Variants in FER1L5 observed in about 807,000 individuals in gnomAD.
The protein encoded by FER1L5 is fer-1-like protein 5.
A neutral mutation model predicts 279.9 loss-of-function variants in FER1L5; 187 were observed. The observed-to-expected ratio is 0.67, with a 90% confidence interval of 0.59 to 0.75. The LOEUF is 0.75. FER1L5 is among the 30% of genes least tolerant of loss of function. The pLI, the probability that FER1L5 is intolerant of heterozygous loss-of-function variation, is 0.00. For missense variants in FER1L5, 2,091 were observed against 2,594.4 expected (o/e 0.81, Z 4.21); for synonymous variants, 921 against 989.7 (o/e 0.93, Z 1.30).
chr2:96,688,010 C>T (rs1336174198), intron 24 of FER1L5, 63 bp downstream of exon 24: 10 of 1,537,488 alleles, frequency 6.5e-6, no homozygotes, highest in Middle Eastern at 1.7e-4. Flanking sequence ...AGGGTGGCCT[C>T]GTAGGGAAGA....
intron 17 of FER1L5, 109 bp downstream of exon 17, chr2:96,669,246 G>T (rs919006412): frequency 9.3e-7 from 1 of 1,077,008 alleles, no homozygotes; most frequent in Non-Finnish European, 1.3e-6. Context: ...TCTGTCCCTC[G>T]GGGTCTTGTG....
intron 14 of FER1L5, 63 bp downstream of exon 14, chr2:96,663,570 A>G: frequency 1.3e-6 from 2 of 1,529,044 alleles, no homozygotes; most frequent in South Asian, 2.4e-5. Flanking sequence ...GGAAGTTTGG[A>G]TGATTGTGTG....
rs2077295338 is a variant in FER1L5 at position 96,694,698 on chromosome 2, A to G, written c.3741+234A>G. 1 of 407,454 alleles carries G rather than the reference A, an allele frequency of 2.5e-6. No individual in the cohort carries two copies. The highest frequency in any genetic ancestry group is 4.3e-6 in the Non-Finnish European group (1 of 230,878). 25.2% of individuals were successfully genotyped at this position (407,454 alleles called of 1,614,324 possible). On this transcript the variant is annotated intron_variant, in intron 34 of 52. Coordinates refer to ENST00000624922, the MANE Select transcript of FER1L5 (RefSeq NM_001293083.2). The surrounding 1 kb of genome is among the most constrained non-coding windows in gnomAD (Gnocchi z 4.6). The stretch of plus-strand genomic sequence containing the variant: ...GAGTAGGCAAAGGGCTGTAGCATGC[A>G]TGATCACTTGTGGGACTCACGCTGC...
At chr2:96,651,834 A>G in intron 6 of FER1L5, 58 bp from the exon 7 acceptor site, 1 of 1,550,438 alleles carries the variant, frequency 6.4e-7, no homozygotes, top group Non-Finnish European at 8.7e-7. Flanking sequence ...TATCAGAACA[A>G]TGTTGTCCCA....
At chr2:96,700,496 T>C in intron 45 of FER1L5, 25 bp downstream of exon 45, 1 of 1,611,514 alleles carries the variant, frequency 6.2e-7, no homozygotes, top group Non-Finnish European at 8.5e-7. Flanking sequence ...GGGCCACTCC[T>C]GGCTCCTACA....
intron 4 of FER1L5, among the ~76,000 whole-genome samples, chr2:96,649,254 G>A (rs2075267726): frequency 6.6e-6 from 1 of 152,098 alleles, no homozygotes; most frequent in South Asian, 2.1e-4. Flanking sequence ...GGAGTGTGCA[G>A]GGCCTCCCAC....
chr2:96,660,152 A>G (rs571257648), intron 9 of FER1L5, among the ~76,000 whole-genome samples, 189 bp from the exon 10 acceptor site: 2 of 152,252 alleles, frequency 1.3e-5, no homozygotes, highest in Non-Finnish European at 2.9e-5. Flanking sequence ...ACCTCTCTCA[A>G]ACTCAGTATC....
chr2:96,700,571 G>T, intron 45 of FER1L5, 100 bp downstream of exon 45: 1 of 1,502,918 alleles, frequency 6.7e-7, no homozygotes. Context: ...AGAGGAGAAG[G>T]ACAGGCCAAA....
chr2:96,689,787 AG>A lies in FER1L5; in HGVS notation c.2640+34del, dbSNP rs1266586583. 1 of 1,516,348 alleles carries A rather than the reference AG, an allele frequency of 6.6e-7. No individual in the cohort carries two copies. Among genetic ancestry groups the A allele is most frequent in the East Asian group, 2.5e-5 (1 of 40,738 alleles). 93.9% of individuals were successfully genotyped at this position (1,516,348 alleles called of 1,614,324 possible). ...AGCAGGGCCGAAGCTGCCTCGGGTT[AG>A]GGGGCAAGCAAGGCCACCAGGCGGG... On this transcript the variant is annotated intron_variant, in intron 26 of 52. Coordinates refer to ENST00000624922, the MANE Select transcript of FER1L5 (RefSeq NM_001293083.2). The surrounding 1 kb of genome is among the most constrained non-coding windows in gnomAD (Gnocchi z 4.6).
Position 96,698,626 on chromosome 2 carries a change from G to T in FER1L5, c.4357-45G>T, listed in dbSNP as rs1269959796. On this transcript the variant is annotated intron_variant, in intron 40 of 52. Coordinates refer to ENST00000624922, the MANE Select transcript of FER1L5 (RefSeq NM_001293083.2). This position sits in a 1 kb window ranked among gnomAD's most constrained non-coding sequence, Gnocchi z 5.5. ...ACCTCCCAGAGGGCTTTACAGAGCT[G>T]GCCAGCACTGCCAGGCTGGGCCCCC... The T allele has an allele frequency of 6.6e-7, 1 of 1,517,708 alleles. No individual in the cohort carries two copies. Among genetic ancestry groups the T allele is most frequent in the Admixed American group, 1.9e-5 (1 of 52,192 alleles). The allele number at this position is 1,517,708 out of a possible 1,614,324, so 94.0% of individuals were successfully genotyped here.
chr2:96,688,694 C>A (rs1364094998), intron 24 of FER1L5, among the ~76,000 whole-genome samples: 1 of 152,060 alleles, frequency 6.6e-6, no homozygotes, highest in East Asian at 1.9e-4. Context: ...GTCTTGGAGG[C>A]GCAGAGGTGG....
intron 12 of FER1L5, among the ~76,000 whole-genome samples, 179 bp downstream of exon 12, chr2:96,661,970 TC>T (rs1395476628): frequency 6.6e-6 from 1 of 152,116 alleles, no homozygotes; most frequent in East Asian, 1.9e-4. Context: ...GGACACCCTT[TC>T]AAACGGGTCT....
In FER1L5 at chr2:96,694,153, T is replaced by A. The variant is rs1214210262; in HGVS notation, c.3636+81T>A. 6.8e-7 allele frequency: 1 copy of A among 1,465,006 alleles called. No homozygotes were observed. The highest frequency in any genetic ancestry group is 1.4e-5 in the African/African-American group (1 of 71,156). The allele number at this position is 1,465,006 out of a possible 1,614,324, so 90.8% of individuals were successfully genotyped here. A position where few individuals can be genotyped will look rare whatever the true frequency, so the allele number is the denominator to read the frequency against. The stretch of plus-strand genomic sequence containing the variant: ...CCACCCCCAGCCAGCGGGGGCCAAC[T>A]CCACCCTGTCAGGAAATGCCTGGGG... On this transcript the variant is annotated intron_variant, in intron 33 of 52. Coordinates refer to ENST00000624922, the MANE Select transcript of FER1L5 (RefSeq NM_001293083.2). The surrounding 1 kb of genome is among the most constrained non-coding windows in gnomAD (Gnocchi z 4.6).
chr2:96,704,385 A>G, intron 52 of FER1L5, 23 bp downstream of exon 52: 2 of 1,613,202 alleles, frequency 1.2e-6, no homozygotes, highest in Non-Finnish European at 1.7e-6. Flanking sequence ...CATGGGGGCA[A>G]GGACAAAGGT....
chr2:96,663,351 G>GT, intron 13 of FER1L5, 88 bp from the exon 14 acceptor site: 1 of 1,244,968 alleles, frequency 8.0e-7, no homozygotes. Context: ...GGTGTCCACT[G>GT]GGAGGCTGGA....
chr2:96,702,260 C>T lies in FER1L5; in HGVS notation c.5160-46C>T. On this transcript the variant is annotated intron_variant, in intron 46 of 52. Transcript: ENST00000624922. This position sits in a 1 kb window ranked among gnomAD's most constrained non-coding sequence, Gnocchi z 4.0. Reference sequence around the variant, plus strand: ...TTCTCTGCCCTCACTGAGGCTGCAGCTGGGGAGCTCCTCCTCAGCAAAGCC... The same window carrying T: ...TTCTCTGCCCTCACTGAGGCTGCAGTTGGGGAGCTCCTCCTCAGCAAAGCC... 1 of 1,590,426 alleles carries T rather than the reference C, an allele frequency of 6.3e-7. No individual in the cohort carries two copies. The highest frequency in any genetic ancestry group is 1.1e-5 in the South Asian group (1 of 87,890).
chr2:96,659,405 CT>C (rs2075810130), intron 9 of FER1L5, among the ~76,000 whole-genome samples: 61 of 5,482 alleles, frequency 0.011, 2 homozygotes, highest in African/African-American at 0.014. Flanking sequence ...TTCTTTCTTT[CT>C]TTCTTTCTTT....
At position 96,695,858 on chromosome 2, in the gene FER1L5, C is replaced by A. The variant is rs1487287378; in HGVS notation, c.4011C>A (p.Tyr1337Ter). 1 of 1,613,596 alleles carries A rather than the reference C, an allele frequency of 6.2e-7. No individual in the cohort carries two copies. The highest frequency in any genetic ancestry group is 1.3e-5 in the African/African-American group (1 of 74,950). Residue 1337 changes from tyrosine (Y) to a stop codon, truncating the protein, a stop_gained, in exon 36 of 53, where the codon TAC (tyrosine) becomes TAA (stop). Coordinates refer to ENST00000624922, the MANE Select transcript of FER1L5 (RefSeq NM_001293083.2). LOFTEE classifies it high-confidence loss of function. Reference sequence around the variant, plus strand: ...CCAACATCGACTTCCTCCAGCCCTACTTCTGTGACCCCTGGGCTCAAGACT... The same window carrying A: ...CCAACATCGACTTCCTCCAGCCCTAATTCTGTGACCCCTGGGCTCAAGACT... ...GQANIDFLQP[Y>*]FCDPWAQDYM...
At position 96,686,277 on chromosome 2, in the gene FER1L5, C is replaced by G. The variant is rs545151195; in HGVS notation, c.2156C>G (p.Ser719Cys). The G allele has an allele frequency of 2.4e-4, 374 of 1,551,528 alleles. 1 individual carries two copies. The highest frequency in any genetic ancestry group is 3.1e-4 in the Non-Finnish European group (357 of 1,146,990). The change falls in exon 23 of 53, where the codon TCC (serine) becomes TGC (cysteine). Residue 719 changes from serine (S) to cysteine (C), a missense_variant. By Grantham distance (112) the Ser-to-Cys change is moderately radical (BLOSUM62 -1). Transcript: ENST00000624922. Reference protein sequence around the residue: ...RVAYAQVPAHSVLFSPAGALH... With the variant: ...RVAYAQVPAHCVLFSPAGALH... ...GCCTATGCACAGGTGCCTGCCCACT[C>G]CGTCCTCTTCTCCCCGGCAGGGGCT...
Sources: allele counts gnomAD v4.1 joint callset (sites outside exome capture counted in the v4.1 genomes callset), GRCh38; gene constraint gnomAD v4.1.1; non-coding constraint Gnocchi (gnomAD v3.1); transcripts MANE v1.5; gene names NCBI Gene and HGNC (gene_info 2026-07-23, HGNC 2026-07-21).